Variants in PRKCH observed in about 807,000 individuals in gnomAD.
PRKCH encodes the protein protein kinase C eta, also known as protein kinase C eta type.
PRKCH carries 28 observed loss-of-function variants against 82.5 expected under a neutral mutation model. The observed-to-expected ratio is 0.34, with a 90% CI of 0.25 to 0.47. The LOEUF (loss-of-function observed/expected upper bound fraction) is 0.47, where lower values mean the gene tolerates loss of function less well. Among genes scored for constraint, PRKCH ranks in the 20% least tolerant of loss-of-function variants. PRKCH has a pLI of 1.00. For missense variants in PRKCH, 705 were observed against 881.8 expected, an observed-to-expected ratio of 0.80 and a Z score of 2.54; for synonymous variants, 322 against 327.4, an observed-to-expected ratio of 0.98 and a Z score of 0.18.
intron 9 of PRKCH, among the ~76,000 whole-genome samples, chr14:61,467,093 G>C (rs550121168): frequency 3.3e-5 from 5 of 152,124 alleles, no homozygotes; most frequent in Non-Finnish European, 7.4e-5. Context: ...CGAAGAAGTG[G>C]GAGAGGCAGA....
chr14:61,319,818 A>G (rs1462228356), upstream of PRKCH, among the ~76,000 whole-genome samples: 4 of 152,342 alleles, frequency 2.6e-5, no homozygotes, highest in East Asian at 7.7e-4. Flanking sequence ...CTAAGATGTC[A>G]TTAGAGTGAT....
chr14:61,519,442 A>G lies in PRKCH; in HGVS notation c.1434-9633A>G, dbSNP rs17256247. Among the ~76,000 whole-genome samples, 648 of 152,240 alleles carry G rather than the reference A, an allele frequency of 4.3e-3. 7 individuals are homozygous for G. Among genetic ancestry groups the G allele is most frequent in the Non-Finnish European group, 6.8e-3 (463 of 68,010 alleles). ...AAGAGGGTGAAGTAACCAGATTCAA[A>G]TAGGAGTCATTTTTGTCATTTCTCA... On this transcript the variant is annotated intron_variant, in intron 10 of 13. Transcript: ENST00000332981.
At chr14:61,428,855 C>T (rs1883257681) in intron 2 of PRKCH, among the ~76,000 whole-genome samples, 1 of 151,784 alleles carries the variant, frequency 6.6e-6, no homozygotes, top group Admixed American at 6.6e-5. Flanking sequence ...TTTTTTTTTC[C>T]CTGTAGCTAG....
intron 9 of PRKCH, among the ~76,000 whole-genome samples, chr14:61,467,242 G>C (rs1433413319): frequency 1.3e-5 from 2 of 152,192 alleles, no homozygotes; most frequent in Non-Finnish European, 2.9e-5. Context: ...TTGTCTTTAA[G>C]AAGTTCCCCT....
intron 6 of PRKCH, among the ~76,000 whole-genome samples, chr14:61,451,792 A>G (rs538925584): frequency 6.6e-6 from 1 of 152,224 alleles, no homozygotes; most frequent in African/African-American, 2.4e-5. Context: ...TAGAATTGGC[A>G]TGAGTATAGC....
intron 9 of PRKCH, among the ~76,000 whole-genome samples, chr14:61,470,489 T>G (rs1885452952): frequency 6.6e-6 from 1 of 152,136 alleles, no homozygotes; most frequent in Non-Finnish European, 1.5e-5. Flanking sequence ...TCTTTTTCCT[T>G]CCTTCCCCGT....
intron 1 of PRKCH, among the ~76,000 whole-genome samples, chr14:61,343,351 C>CAAAAAAA (rs57154047): frequency 9.2e-5 from 8 of 87,332 alleles, no homozygotes; most frequent in African/African-American, 1.3e-4. Flanking sequence ...CCAGTTCCCT[C>CAAAAAAA]AAAAAAAAAA....
chr14:61,297,564 G>A (rs1210041985), intron 1 of PRKCH, among the ~76,000 whole-genome samples: 1 of 152,218 alleles, frequency 6.6e-6, no homozygotes, highest in Non-Finnish European at 1.5e-5. Context: ...AAGGGGAGGA[G>A]ATGCTTTCAG....
chr14:61,469,137 A>G (rs573584149), intron 9 of PRKCH, among the ~76,000 whole-genome samples: 1 of 152,208 alleles, frequency 6.6e-6, no homozygotes, highest in Non-Finnish European at 1.5e-5. Context: ...AGGTCTTGCT[A>G]TGTTGCCCAC....
At chr14:61,499,217 G>A (rs1479652363) in intron 10 of PRKCH, among the ~76,000 whole-genome samples, 1 of 152,184 alleles carries the variant, frequency 6.6e-6, no homozygotes, top group Non-Finnish European at 1.5e-5. Context: ...ATAGTTTGCA[G>A]CATGTCCCTG....
intron 1 of PRKCH, among the ~76,000 whole-genome samples, chr14:61,192,259 A>G (rs1210772762): frequency 2.0e-5 from 3 of 152,194 alleles, no homozygotes; most frequent in Non-Finnish European, 4.4e-5. Context: ...CTCCCAGACT[A>G]GATTAATTTT....
At chr14:61,461,513 C>T (rs1160329905) in intron 9 of PRKCH, among the ~76,000 whole-genome samples, 1 of 152,208 alleles carries the variant, frequency 6.6e-6, no homozygotes, top group Non-Finnish European at 1.5e-5. Context: ...ACATGGTTTC[C>T]TATGACATGA....
At chr14:61,201,877 T>C (rs1180814469) in intron 1 of PRKCH, among the ~76,000 whole-genome samples, 6 of 152,126 alleles carry the variant, frequency 3.9e-5, no homozygotes, top group Non-Finnish European at 8.8e-5. Flanking sequence ...AAAAAAACTA[T>C]AAGCAAGTGA....
At chr14:61,221,804 C>T (rs2044658059) in intron 1 of PRKCH, among the ~76,000 whole-genome samples, 1 of 152,216 alleles carries the variant, frequency 6.6e-6, no homozygotes, top group South Asian at 2.1e-4. Context: ...TTCCCTTCCT[C>T]TTCCTTCCTG....
At chr14:61,301,055 T>C (rs1461024185) in intron 1 of PRKCH, among the ~76,000 whole-genome samples, 1 of 152,122 alleles carries the variant, frequency 6.6e-6, no homozygotes, top group Non-Finnish European at 1.5e-5. Context: ...GAAGACCCAC[T>C]CAGGCGCCCC....
intron 2 of PRKCH, among the ~76,000 whole-genome samples, chr14:61,435,887 A>G (rs1467141781): frequency 6.6e-6 from 1 of 152,214 alleles, no homozygotes; most frequent in Non-Finnish European, 1.5e-5. Context: ...AAGCCAGTGA[A>G]GGAGACTAAG....
intron 1 of PRKCH, among the ~76,000 whole-genome samples, chr14:61,382,020 T>C (rs1266802091): frequency 6.6e-6 from 1 of 152,170 alleles, no homozygotes; most frequent in African/African-American, 2.4e-5. Flanking sequence ...CCTTTTTCCA[T>C]CTGTGCAACG....
intron 1 of PRKCH, among the ~76,000 whole-genome samples, chr14:61,389,408 A>G (rs1052054063): frequency 9.9e-5 from 15 of 151,922 alleles, no homozygotes; most frequent in East Asian, 3.9e-4. Context: ...CGCTAGGCCA[A>G]TGCCAGGCAC....
intron 1 of PRKCH, among the ~76,000 whole-genome samples, chr14:61,248,604 A>G (rs997118141): frequency 1.3e-5 from 2 of 152,034 alleles, no homozygotes; most frequent in African/African-American, 4.8e-5. Flanking sequence ...AGAAATTCCA[A>G]CTCCTCTTGA....
Sources: gnomAD v4.1 joint callset for allele counts (sites outside exome capture counted in the v4.1 genomes callset) on GRCh38, gnomAD v4.1.1 for gene constraint, MANE v1.5 for transcripts, NCBI Gene and HGNC (gene_info 2026-07-23, HGNC 2026-07-21) for gene names.